The following ATP11B variants were observed in gnomAD, a reference collection of about 807,000 sequenced individuals.
ATP11B encodes phospholipid-transporting ATPase IF.
ATP11B carries 81 observed loss-of-function variants against 157.8 expected under a neutral mutation model. The observed-to-expected ratio is 0.51, with a 90% confidence interval of 0.43 to 0.62. The LOEUF (loss-of-function observed/expected upper bound fraction) is 0.62. Among genes scored for constraint, ATP11B ranks in the 20% least tolerant of loss-of-function variants. The pLI is 0.00. For missense variants in ATP11B, 1,165 were observed against 1,402.2 expected, an observed-to-expected ratio of 0.83 and a Z score of 2.70; for synonymous variants, 451 against 469.4, an observed-to-expected ratio of 0.96 and a Z score of 0.51.
At chr3:182,826,517 A>G (rs1282571734) in intron 2 of ATP11B, among the ~76,000 whole-genome samples, 1 of 152,126 alleles carries the variant, frequency 6.6e-6, no homozygotes, top group East Asian at 1.9e-4. Flanking sequence ...CTTGACACAC[A>G]ATTACCATCT....
chr3:182,839,533 A>G (rs1297073880), intron 7 of ATP11B, among the ~76,000 whole-genome samples: 1 of 152,158 alleles, frequency 6.6e-6, no homozygotes, highest in South Asian at 2.1e-4. Context: ...TGTAGATCAA[A>G]ATTTAGTAAT....
Position 182,918,147 on chromosome 3 carries a change from T to C in ATP11B, c.*43T>C, listed in dbSNP as rs760354238. 1 of 1,608,944 alleles carries C rather than the reference T, an allele frequency of 6.2e-7. No individual in the cohort carries two copies. The highest frequency in any genetic ancestry group is 8.5e-7 in the Non-Finnish European group (1 of 1,177,672). Reference sequence around the variant, plus strand: ...GTGGGAGCCAGTTCACCTCCTTTCCTAAAATTCAGTGTGATCACCCTGTTA... The same window carrying C: ...GTGGGAGCCAGTTCACCTCCTTTCCCAAAATTCAGTGTGATCACCCTGTTA... On this transcript the variant is annotated 3_prime_UTR_variant, in exon 30 of 30. Transcript: ENST00000323116.
At chr3:182,855,930 G>GA (rs147801494) in intron 10 of ATP11B, among the ~76,000 whole-genome samples, 97,417 of 151,394 alleles carry the variant, frequency 0.64, 33,307 homozygotes, top group Non-Finnish European at 0.78. Flanking sequence ...ATATGTTGTT[G>GA]GTGGGAATTA....
rs1292263039 is a variant in ATP11B, at chr3:182,897,386, G to A, written c.3132G>A (p.Leu1044=). Reference sequence around the variant, plus strand: ...TTATATTTTATTTTGTATTTTCCTTGTTTTATGGAGGGATTCTCTGGTGAG... The same window carrying A: ...TTATATTTTATTTTGTATTTTCCTTATTTTATGGAGGGATTCTCTGGTGAG... ...GSIIFYFVFS[L]FYGGILWPFL... is the part of the protein sequence containing the mutation. Residue 1044 remains leucine, a synonymous_variant, in exon 27 of 30, where the codon TTG becomes TTA. Transcript: ENST00000323116. The A allele has an allele frequency of 4.4e-6, 7 of 1,578,624 alleles. No homozygotes were observed. Among genetic ancestry groups the A allele is most frequent in the Non-Finnish European group, 6.0e-6 (7 of 1,165,066 alleles).
intron 1 of ATP11B, among the ~76,000 whole-genome samples, chr3:182,803,248 C>T (rs1716121914): frequency 6.6e-6 from 1 of 152,142 alleles, no homozygotes; most frequent in African/African-American, 2.4e-5. Flanking sequence ...AAAAACGTAC[C>T]AGTCTGATGG....
chr3:182,898,648 A>G lies in ATP11B; in HGVS notation c.3194A>G (p.Gln1065Arg), dbSNP rs1299452539. ...CAGAATATGTATTTTGTGTTTATTC[A>G]GCTCCTGTCAAGTGGTTCTGCTTGG... ...GSQNMYFVFI[Q>R]LLSSGSAWFA... Residue 1065 changes from glutamine to arginine, a missense_variant, in exon 28 of 30, where the codon CAG becomes CGG. Physicochemically the swap from Gln to Arg is conservative, Grantham distance 43. Transcript: ENST00000323116. 1.2e-6 allele frequency: 2 copies of G among 1,607,524 alleles called. No individual in the cohort carries two copies. The highest frequency in any genetic ancestry group is 1.7e-5 in the Admixed American group (1 of 59,058).
intron 28 of ATP11B, among the ~76,000 whole-genome samples, chr3:182,910,099 G>A (rs1378548453): frequency 4.4e-4 from 62 of 141,200 alleles, no homozygotes; most frequent in African/African-American, 1.5e-3. Flanking sequence ...AAAAAAAGCA[G>A]CTGAGTTCTT....
chr3:182,892,007 A>G (rs1433692942), intron 25 of ATP11B, among the ~76,000 whole-genome samples: 3 of 152,186 alleles, frequency 2.0e-5, no homozygotes, highest in Non-Finnish European at 4.4e-5. Context: ...AGCAGTGTTC[A>G]TTGTTATTTT....
intron 2 of ATP11B, among the ~76,000 whole-genome samples, chr3:182,822,621 G>A (rs948116352): frequency 6.6e-5 from 10 of 152,086 alleles, no homozygotes; most frequent in African/African-American, 1.7e-4. Context: ...ATAATCCTTC[G>A]GATATATACC....
intron 6 of ATP11B, 92 bp from the exon 7 acceptor site, chr3:182,836,979 A>G: frequency 2.4e-6 from 2 of 843,626 alleles, no homozygotes; most frequent in South Asian, 3.2e-5. Context: ...ACAGTATGCC[A>G]TTACTTTACC....
chr3:182,827,085 A>AG (rs1463028172), intron 2 of ATP11B, among the ~76,000 whole-genome samples: 1 of 152,166 alleles, frequency 6.6e-6, no homozygotes, highest in Admixed American at 6.5e-5. Context: ...TATGTGCTAG[A>AG]GATAGAACAG....
chr3:182,801,029 G>C (rs1715978762), intron 1 of ATP11B, among the ~76,000 whole-genome samples: 1 of 151,990 alleles, frequency 6.6e-6, no homozygotes, highest in Admixed American at 6.6e-5. Flanking sequence ...CTCGAACCCT[G>C]GACCTCAGAT....
At chr3:182,837,892 G>A (rs1290369906) in intron 7 of ATP11B, among the ~76,000 whole-genome samples, 1 of 152,008 alleles carries the variant, frequency 6.6e-6, no homozygotes, top group Non-Finnish European at 1.5e-5. Context: ...CCAATTATAT[G>A]TGGGCTGTGG....
At chr3:182,836,503 G>C in intron 6 of ATP11B, 33 bp downstream of exon 6, 1 of 1,612,852 alleles carries the variant, frequency 6.2e-7, no homozygotes, top group Non-Finnish European at 8.5e-7. Context: ...ATTGCTCTTG[G>C]TGAACAAAGT....
chr3:182,917,720 T>C lies in ATP11B; in HGVS notation c.3453-303T>C, dbSNP rs1042906767. The C allele has an allele frequency of 3.0e-6, 3 of 985,070 alleles. No homozygotes were observed. In the African/African-American group the frequency reaches 5.2e-5, roughly 17 times the overall value. The allele number at this position is 985,070 out of a possible 1,614,324, so 61.0% of individuals were successfully genotyped here. A position where few individuals can be genotyped will look rare whatever the true frequency, so the allele number is the denominator to read the frequency against. On this transcript the variant is annotated intron_variant, in intron 29 of 29. Transcript: ENST00000323116. ...ATAACTCTTAATAACATACTTCTTA[T>C]TGAATTGTTAACACTTTAAAAGCAG...
At chr3:182,842,639 G>C (rs1326378454) in intron 8 of ATP11B, among the ~76,000 whole-genome samples, 2 of 152,086 alleles carry the variant, frequency 1.3e-5, no homozygotes, top group Non-Finnish European at 1.5e-5. Flanking sequence ...GGGAAGAGTA[G>C]AGTCCTACCT....
chr3:182,824,502 A>G (rs538458468), intron 2 of ATP11B, among the ~76,000 whole-genome samples: 2 of 152,314 alleles, frequency 1.3e-5, no homozygotes, highest in South Asian at 4.1e-4. Context: ...ATTTTCCAGT[A>G]TTTGACATAG....
At chr3:182,916,873 T>C (rs1306334661) in intron 29 of ATP11B, 7 of 982,910 alleles carry the variant, frequency 7.1e-6, no homozygotes, top group South Asian at 4.7e-5. Flanking sequence ...TTAAAAGTTA[T>C]AGTTAAAAGC....
At chr3:182,896,807 G>A (rs1171471023) in intron 26 of ATP11B, 42 bp downstream of exon 26, 4 of 1,424,810 alleles carry the variant, frequency 2.8e-6, no homozygotes, top group East Asian at 2.3e-5. Flanking sequence ...TTTTGCAACT[G>A]TTTACATAGT....
Sources: gnomAD v4.1 joint callset for allele counts (sites outside exome capture counted in the v4.1 genomes callset) on GRCh38, gnomAD v4.1.1 for gene constraint, MANE v1.5 for transcripts, NCBI Gene and HGNC (gene_info 2026-07-23, HGNC 2026-07-21) for gene names.